Variants in ZSWIM5 observed in about 807,000 individuals in gnomAD.
The protein encoded by ZSWIM5 is zinc finger SWIM domain-containing protein 5.
In ZSWIM5, 55 loss-of-function variants were observed where a neutral mutation model predicts 119.6. The observed-to-expected ratio is 0.46, with a 90% CI of 0.37 to 0.58. ZSWIM5 has a LOEUF of 0.58. Ranked by LOEUF, ZSWIM5 falls within the 20% of genes least tolerant of loss-of-function variation. The pLI, the probability that ZSWIM5 is intolerant of heterozygous loss-of-function variation, is 0.00. For synonymous variants in ZSWIM5, 537 were observed against 606.9 expected (o/e 0.88, Z 1.69); for missense variants, 1,193 against 1,512.8 (o/e 0.79, Z 3.51).
intron 11 of ZSWIM5, among the ~76,000 whole-genome samples, 178 bp downstream of exon 11, chr1:45,034,134 A>G (rs10749855): frequency 0.99 from 150,990 of 152,358 alleles, 74,833 homozygotes; most frequent in Middle Eastern, 1. Flanking sequence ...TTACAGGCGT[A>G]AGCCACCGCG....
At chr1:45,154,651 G>A (rs773745873) in intron 1 of ZSWIM5, among the ~76,000 whole-genome samples, 33 of 152,132 alleles carry the variant, frequency 2.2e-4, no homozygotes, top group Non-Finnish European at 4.4e-4. Flanking sequence ...GGAGACCGAG[G>A]TGGGTGGATC....
intron 2 of ZSWIM5, among the ~76,000 whole-genome samples, chr1:45,069,114 A>T (rs931920942): frequency 1.3e-5 from 2 of 151,858 alleles, no homozygotes; most frequent in African/African-American, 4.8e-5. Flanking sequence ...ACCCAGTCAG[A>T]ATCTTTTCAC....
chr1:45,174,754 G>A (rs1236095795), intron 1 of ZSWIM5, among the ~76,000 whole-genome samples: 1 of 151,708 alleles, frequency 6.6e-6, no homozygotes, highest in East Asian at 1.9e-4. Flanking sequence ...AAAAGAAAAA[G>A]ATTATCATAT....
chr1:45,173,747 G>A lies in ZSWIM5; in HGVS notation c.595+32009C>T, dbSNP rs12116985. On this transcript the variant is annotated intron_variant, in intron 1 of 13. Transcript: ENST00000359600. Reference sequence around the variant, plus strand: ...TAACATGTTAAATATTTGGCAAAGCGCCCAGCACTTTGTGTTAGCTTTTAA... The same window carrying A: ...TAACATGTTAAATATTTGGCAAAGCACCCAGCACTTTGTGTTAGCTTTTAA... Among the ~76,000 whole-genome samples the A allele has an allele frequency of 7.8e-3, 1,185 of 152,060 alleles. 14 individuals carry two copies. Among genetic ancestry groups the A allele is most frequent in the African/African-American group, 0.017 (718 of 41,468 alleles).
intron 1 of ZSWIM5, among the ~76,000 whole-genome samples, chr1:45,168,880 A>C (rs1398210652): frequency 6.6e-6 from 1 of 152,100 alleles, no homozygotes; most frequent in African/African-American, 2.4e-5. Flanking sequence ...GTAAAATGGC[A>C]TATGTGATTT....
intron 11 of ZSWIM5, among the ~76,000 whole-genome samples, chr1:45,028,429 T>TA (rs529925026): frequency 1.0e-3 from 154 of 152,324 alleles, no homozygotes; most frequent in African/African-American, 3.5e-3. Flanking sequence ...AGTTGAGTTT[T>TA]AAAAAGGTTT....
In ZSWIM5 at chr1:45,206,162, A is replaced by G. The variant is rs2149059934; in HGVS notation, c.189T>C (p.Asp63=). 1 of 1,608,428 alleles carries G rather than the reference A, an allele frequency of 6.2e-7. No homozygotes were observed. The highest frequency in any genetic ancestry group is 1.7e-5 in the Admixed American group (1 of 59,618). Residue 63 remains aspartate (D), a synonymous_variant, in exon 1 of 14, where the codon GAT becomes GAC. Transcript: ENST00000359600. ...VLGARPHLQP[D]SLLDCAAKTV... is the part of the protein sequence containing the mutation. ...TCTTGGCGGCGCAGTCCAGTAAGGAATCCGGCTGCAGGTGGGGGCGGGCCC... is the reference window on the plus strand; with the variant it reads ...TCTTGGCGGCGCAGTCCAGTAAGGAGTCCGGCTGCAGGTGGGGGCGGGCCC...
chr1:45,114,826 G>T lies in ZSWIM5; in HGVS notation c.596-26589C>A, dbSNP rs574540723. 3.9e-5 allele frequency among the ~76,000 whole-genome samples: 6 copies of T among 152,298 alleles called. No individual in the cohort carries two copies. The South Asian group carries it at 1.2e-3, about 32-fold the overall frequency. On this transcript the variant is annotated intron_variant, in intron 1 of 13. Transcript: ENST00000359600. Reference sequence around the variant, plus strand: ...AGTGTTTGTGTCCCTTGGTACTTGAGATTAGGGAGTGGTGATGACTCTTAA... The same window carrying T: ...AGTGTTTGTGTCCCTTGGTACTTGATATTAGGGAGTGGTGATGACTCTTAA...
At chr1:45,056,487 A>G (rs1645122123) in intron 4 of ZSWIM5, among the ~76,000 whole-genome samples, 1 of 151,692 alleles carries the variant, frequency 6.6e-6, no homozygotes, top group Non-Finnish European at 1.5e-5. Context: ...CCAGCTACTC[A>G]GGGGGCTGGG....
At chr1:45,126,007 A>T (rs1211905328) in intron 1 of ZSWIM5, among the ~76,000 whole-genome samples, 3 of 152,030 alleles carry the variant, frequency 2.0e-5, no homozygotes, top group Non-Finnish European at 4.4e-5. Flanking sequence ...GCTTGAGGTT[A>T]CAGTGAGCCT....
intron 11 of ZSWIM5, among the ~76,000 whole-genome samples, chr1:45,022,258 G>A (rs973714780): frequency 6.6e-6 from 1 of 151,380 alleles, no homozygotes; most frequent in Non-Finnish European, 1.5e-5. Context: ...AGCCTCCCGC[G>A]TAGCTGAGAC....
chr1:45,164,622 G>T (rs1312810557), intron 1 of ZSWIM5, among the ~76,000 whole-genome samples: 1 of 152,082 alleles, frequency 6.6e-6, no homozygotes, highest in Non-Finnish European at 1.5e-5. Flanking sequence ...AGGGATGGAG[G>T]AAGATCTACC....
intron 2 of ZSWIM5, among the ~76,000 whole-genome samples, chr1:45,080,717 G>A (rs968336696): frequency 2.0e-5 from 3 of 152,108 alleles, no homozygotes; most frequent in Non-Finnish European, 2.9e-5. Context: ...CTGCCATCTT[G>A]TTCTGCCTCC....
At chr1:45,161,746 T>A (rs554440603) in intron 1 of ZSWIM5, among the ~76,000 whole-genome samples, 8 of 152,324 alleles carry the variant, frequency 5.3e-5, no homozygotes, top group African/African-American at 1.9e-4. Flanking sequence ...GAACTAGAAT[T>A]TCATCAAGTC....
At chr1:45,188,682 G>A (rs1221591536) in intron 1 of ZSWIM5, among the ~76,000 whole-genome samples, 1 of 152,198 alleles carries the variant, frequency 6.6e-6, no homozygotes, top group African/African-American at 2.4e-5. Context: ...GGACACTGCT[G>A]GAGACTGGTT....
At chr1:45,149,479 A>G (rs1645782961) in intron 1 of ZSWIM5, among the ~76,000 whole-genome samples, 1 of 152,220 alleles carries the variant, frequency 6.6e-6, no homozygotes, top group Admixed American at 6.5e-5. Flanking sequence ...TTTATAACTG[A>G]TGGATGAAAG....
chr1:45,073,863 G>A (rs906204008), intron 2 of ZSWIM5, among the ~76,000 whole-genome samples: 13 of 152,022 alleles, frequency 8.6e-5, no homozygotes, highest in African/African-American at 3.1e-4. Context: ...GATATTAGCT[G>A]TGGGTCTGCC....
At chr1:45,205,715 G>C in intron 1 of ZSWIM5, 41 bp downstream of exon 1, 1 of 1,491,086 alleles carries the variant, frequency 6.7e-7, no homozygotes, top group Non-Finnish European at 8.9e-7. Flanking sequence ...ACCCGCGGAA[G>C]AGGAGGCTGA....
chr1:45,038,467 G>GGGTA (rs1644998722), intron 8 of ZSWIM5, among the ~76,000 whole-genome samples: 1 of 151,952 alleles, frequency 6.6e-6, no homozygotes, highest in Non-Finnish European at 1.5e-5. Context: ...CCAGACCAAA[G>GGGTA]GGTAGGAAAG....
Sources: gnomAD v4.1 joint callset for allele counts (sites outside exome capture counted in the v4.1 genomes callset) on GRCh38, gnomAD v4.1.1 for gene constraint, MANE v1.5 for transcripts, NCBI Gene and HGNC (gene_info 2026-07-23, HGNC 2026-07-21) for gene names.